BACH2: variants seen among roughly 807,000 people sequenced by gnomAD.
BACH2 encodes the protein BACH transcriptional regulator 2.
A neutral mutation model predicts 61.8 loss-of-function variants in BACH2; 5 were observed. The observed-to-expected ratio is 0.08, with a 90% CI of 0.04 to 0.17. The LOEUF (loss-of-function observed/expected upper bound fraction) is 0.17. Among genes scored for constraint, BACH2 ranks in the 10% least tolerant of loss-of-function variants. The pLI is 1.00. For synonymous variants in BACH2, 446 were observed against 440.1 expected, an observed-to-expected ratio of 1.01 and a Z score of -0.17; for missense variants, 824 against 1,091.1, an observed-to-expected ratio of 0.76 and a Z score of 3.45.
At chr6:89,934,792 G>A (rs35517608) in intron 8 of BACH2, among the ~76,000 whole-genome samples, 30,760 of 151,994 alleles carry the variant, frequency 0.2, 3,301 homozygotes, top group Non-Finnish European at 0.24. Context: ...CTTTGCAAGC[G>A]CAGGCAGGAG....
chr6:90,289,770 C>T (rs763027377), intron 1 of BACH2, among the ~76,000 whole-genome samples: 2 of 152,210 alleles, frequency 1.3e-5, no homozygotes, highest in African/African-American at 2.4e-5. Context: ...GAATAATCTT[C>T]GGGCCACAGA....
intron 4 of BACH2, among the ~76,000 whole-genome samples, chr6:90,193,022 C>T (rs1271521175): frequency 1.3e-5 from 2 of 152,202 alleles, no homozygotes; most frequent in East Asian, 3.9e-4. Flanking sequence ...AGCACAATCA[C>T]TATTCAGCAC....
chr6:89,938,185 G>A lies in BACH2; in HGVS notation c.2002C>T (p.Leu668=). 6.2e-7 allele frequency: 1 copy of A among 1,614,202 alleles called. No individual in the cohort carries two copies. The change falls in exon 8 of 9, where the codon CTG becomes TTG. Residue 668 remains leucine, a synonymous_variant. Transcript: ENST00000257749. Reference sequence around the variant, plus strand: ...CATTCTAAATTCTGAATACAGTCCAGTTTCCTTTTGCGGCAGCGCTGGGCC... The same window carrying A: ...CATTCTAAATTCTGAATACAGTCCAATTTCCTTTTGCGGCAGCGCTGGGCC... ...IAAQRCRKRK[L]DCIQNLECEI...
intron 4 of BACH2, among the ~76,000 whole-genome samples, chr6:90,190,903 T>C (rs1458498759): frequency 6.6e-6 from 1 of 152,218 alleles, no homozygotes; most frequent in Non-Finnish European, 1.5e-5. Flanking sequence ...TTGGCCATAA[T>C]TGCTCGGCAG....
intron 5 of BACH2, among the ~76,000 whole-genome samples, chr6:90,025,361 A>G (rs1778583010): frequency 6.6e-6 from 1 of 152,132 alleles, no homozygotes; most frequent in Admixed American, 6.5e-5. Context: ...CTTCTGGGAT[A>G]GGTCATTTTC....
chr6:90,021,854 C>T (rs1156841996), intron 5 of BACH2, among the ~76,000 whole-genome samples: 3 of 152,184 alleles, frequency 2.0e-5, no homozygotes, highest in Non-Finnish European at 4.4e-5. Context: ...AGTAAGGGCC[C>T]TGACTGACAT....
intron 5 of BACH2, among the ~76,000 whole-genome samples, chr6:90,038,099 T>G (rs999695262): frequency 2.6e-5 from 4 of 152,364 alleles, no homozygotes; most frequent in Middle Eastern, 3.4e-3. Context: ...GGCATCCAGT[T>G]TGTGGTACTT....
chr6:90,007,500 T>C (rs1028296568), intron 6 of BACH2, among the ~76,000 whole-genome samples: 12 of 152,100 alleles, frequency 7.9e-5, no homozygotes, highest in African/African-American at 2.9e-4. Context: ...TGCCTTTTGG[T>C]GGAGCAGGTG....
chr6:89,996,929 A>G (rs1328433801), intron 6 of BACH2, among the ~76,000 whole-genome samples: 1 of 152,028 alleles, frequency 6.6e-6, no homozygotes, highest in Non-Finnish European at 1.5e-5. Context: ...CTTGTGGTCC[A>G]TTCCTCTGCT....
chr6:90,085,155 T>A (rs963578082), intron 5 of BACH2, among the ~76,000 whole-genome samples: 1 of 152,178 alleles, frequency 6.6e-6, no homozygotes, highest in Non-Finnish European at 1.5e-5. Flanking sequence ...ATAATACCCA[T>A]AAGTACAGAG....
chr6:90,289,184 T>C (rs1276558425), intron 1 of BACH2, among the ~76,000 whole-genome samples: 1 of 152,212 alleles, frequency 6.6e-6, no homozygotes, highest in East Asian at 1.9e-4. Context: ...TTTCTACTTC[T>C]GGGAACTGCT....
chr6:90,148,838 G>T lies in BACH2; in HGVS notation c.-162+57731C>A, dbSNP rs115595417. On this transcript the variant is annotated intron_variant, in intron 4 of 8. Coordinates refer to ENST00000257749, the MANE Select transcript of BACH2 (RefSeq NM_021813.4). ...AAAACATGTTGTTTTTTGATAAAGAGAAAAATCAGTAATAGGTTTTGAAAA... is the reference window on the plus strand; with the variant it reads ...AAAACATGTTGTTTTTTGATAAAGATAAAAATCAGTAATAGGTTTTGAAAA... Among the ~76,000 whole-genome samples the T allele has an allele frequency of 8.7e-3, 1,330 of 152,194 alleles. 18 individuals carry two copies. The highest frequency in any genetic ancestry group is 0.028 in the African/African-American group (1,159 of 41,522).
intron 4 of BACH2, among the ~76,000 whole-genome samples, chr6:90,113,660 G>A (rs778117400): frequency 2.0e-5 from 3 of 151,746 alleles, no homozygotes; most frequent in Non-Finnish European, 4.4e-5. Flanking sequence ...AAAGCTAGCA[G>A]GAGATGAGAA....
chr6:89,947,532 T>C (rs532877381), intron 7 of BACH2, among the ~76,000 whole-genome samples: 49 of 152,322 alleles, frequency 3.2e-4, no homozygotes, highest in Admixed American at 4.6e-4. Context: ...ATGTCTCTTC[T>C]TTCACTGTTC....
intron 7 of BACH2, among the ~76,000 whole-genome samples, chr6:89,948,291 C>T (rs1195013514): frequency 6.6e-6 from 1 of 152,144 alleles, no homozygotes; most frequent in Non-Finnish European, 1.5e-5. Flanking sequence ...ACTGCAACCT[C>T]CTTCTCCTGG....
At chr6:90,198,197 C>T (rs1163262474) in intron 4 of BACH2, among the ~76,000 whole-genome samples, 2 of 152,194 alleles carry the variant, frequency 1.3e-5, no homozygotes, top group Admixed American at 6.5e-5. Context: ...TAACGGCTTG[C>T]ACCTGTGGCT....
intron 6 of BACH2, among the ~76,000 whole-genome samples, chr6:89,991,284 C>T (rs1212401411): frequency 1.3e-5 from 2 of 152,166 alleles, no homozygotes; most frequent in African/African-American, 4.8e-5. Flanking sequence ...CTTTCCTGAT[C>T]TTGAAAATTC....
In BACH2 at chr6:90,163,369, C is replaced by T. The variant is rs369253332; in HGVS notation, c.-162+43200G>A. On this transcript the variant is annotated intron_variant, in intron 4 of 8. Coordinates refer to ENST00000257749, the MANE Select transcript of BACH2 (RefSeq NM_021813.4). ...ACAATGAAGTGATAAGTATTTACAACACAGATTTAATTTATCTACACCAAA... is the reference window on the plus strand; with the variant it reads ...ACAATGAAGTGATAAGTATTTACAATACAGATTTAATTTATCTACACCAAA... Among the ~76,000 whole-genome samples the T allele has an allele frequency of 4.5e-4, 69 of 151,740 alleles. 1 individual carries two copies. In the East Asian group the frequency reaches 0.012, roughly 27 times the overall value.
Position 90,235,126 on chromosome 6 carries a change from A to T in BACH2, c.-275+17387T>A, listed in dbSNP as rs573131649. On this transcript the variant is annotated intron_variant, in intron 3 of 8. Coordinates refer to ENST00000257749, the MANE Select transcript of BACH2 (RefSeq NM_021813.4). ...AGACCTTTTTTCGGCTGCAAGCAAA[A>T]GAGATTTAACACCTAATTTGCAGAA... Among the ~76,000 whole-genome samples the T allele has an allele frequency of 5.9e-5, 9 of 152,352 alleles. No homozygotes were observed. In the South Asian group the frequency reaches 1.9e-3, roughly 32 times the overall value.
Sources: allele counts gnomAD v4.1 joint callset (sites outside exome capture counted in the v4.1 genomes callset), GRCh38; gene constraint gnomAD v4.1.1; transcripts MANE v1.5; gene names NCBI Gene and HGNC (gene_info 2026-07-23, HGNC 2026-07-21).